COMMD10: variants seen among roughly 807,000 people sequenced by gnomAD.
COMMD10 encodes the protein COMM domain-containing protein 10.
A neutral mutation model predicts 28.9 loss-of-function variants in COMMD10; 33 were observed. The ratio of observed to expected loss-of-function variants is 1.14; its 90% CI spans 0.87 to 1.53. The LOEUF is 1.53. Among genes scored for constraint, COMMD10 ranks in the 40% most tolerant of loss-of-function variants. COMMD10 has a pLI of 0.00. For synonymous variants in COMMD10, 110 were observed against 81.7 expected, an observed-to-expected ratio of 1.35 and a Z score of -1.87; for missense variants, 310 against 233.4, an observed-to-expected ratio of 1.33 and a Z score of -2.14.
chr5:116,252,964 CT>C (rs1275698798), intron 5 of COMMD10, among the ~76,000 whole-genome samples: 2 of 95,426 alleles, frequency 2.1e-5, no homozygotes. Context: ...TTTGTATCCT[CT>C]TTTATTTCGT....
chr5:116,175,035 T>A (rs1753457423), intron 5 of COMMD10, among the ~76,000 whole-genome samples: 1 of 152,152 alleles, frequency 6.6e-6, no homozygotes, highest in South Asian at 2.1e-4. Flanking sequence ...ACAGAGCTCT[T>A]TGTGATCTTT....
At chr5:116,094,562 C>G (rs560414889) in intron 4 of COMMD10, among the ~76,000 whole-genome samples, 2 of 152,228 alleles carry the variant, frequency 1.3e-5, no homozygotes, top group East Asian at 3.9e-4. Flanking sequence ...CTCTCATATG[C>G]TTTTGGTGGC....
At chr5:116,101,368 CTT>C (rs1165238026) in intron 4 of COMMD10, among the ~76,000 whole-genome samples, 1 of 151,938 alleles carries the variant, frequency 6.6e-6, no homozygotes, top group Non-Finnish European at 1.5e-5. Context: ...TAAGAGTTCT[CTT>C]TTCTCCACAT....
chr5:116,241,556 ACT>A (rs985505591), intron 5 of COMMD10, among the ~76,000 whole-genome samples: 1 of 150,510 alleles, frequency 6.6e-6, no homozygotes. Flanking sequence ...ATATGGTAAA[ACT>A]CTCTATCCTC....
At chr5:116,208,908 A>G (rs1403449852) in intron 5 of COMMD10, among the ~76,000 whole-genome samples, 1 of 152,168 alleles carries the variant, frequency 6.6e-6, no homozygotes, top group African/African-American at 2.4e-5. Flanking sequence ...CTGTTTATCC[A>G]TTGTAATTAT....
chr5:116,175,097 G>A (rs114324806), intron 5 of COMMD10, among the ~76,000 whole-genome samples: 2,021 of 152,148 alleles, frequency 0.013, 47 homozygotes, highest in African/African-American at 0.045. Flanking sequence ...CACATTCAGA[G>A]TGGACTTTTC....
chr5:116,240,965 T>A (rs1478110305), intron 5 of COMMD10, among the ~76,000 whole-genome samples: 1 of 152,200 alleles, frequency 6.6e-6, no homozygotes, highest in Non-Finnish European at 1.5e-5. Flanking sequence ...GTAGATCCAT[T>A]TTTTGTTAAA....
At chr5:116,171,258 C>G (rs1753322798) in intron 5 of COMMD10, among the ~76,000 whole-genome samples, 1 of 152,134 alleles carries the variant, frequency 6.6e-6, no homozygotes, top group Non-Finnish European at 1.5e-5. Flanking sequence ...TAGAGAAATG[C>G]AAATCAACAT....
intron 5 of COMMD10, among the ~76,000 whole-genome samples, chr5:116,164,263 G>T (rs1397191120): frequency 6.6e-6 from 1 of 152,044 alleles, no homozygotes; most frequent in Non-Finnish European, 1.5e-5. Flanking sequence ...GGAGTTTGCA[G>T]TGAGCCGAGA....
chr5:116,095,524 A>G (rs958246474), intron 4 of COMMD10, among the ~76,000 whole-genome samples: 3 of 152,190 alleles, frequency 2.0e-5, no homozygotes, highest in African/African-American at 7.2e-5. Flanking sequence ...TATATTCTCT[A>G]GAAGTCCTCT....
At chr5:116,274,268 C>A (rs12152964) in intron 5 of COMMD10, among the ~76,000 whole-genome samples, 11,099 of 151,852 alleles carry the variant, frequency 0.073, 515 homozygotes, top group Admixed American at 0.13. Context: ...GTAAATAGAA[C>A]TAATAATTTG....
chr5:116,218,372 G>T, intron 5 of COMMD10: 1 of 568,292 alleles, frequency 1.8e-6, no homozygotes, highest in Non-Finnish European at 3.2e-6. Flanking sequence ...GTGAGTCCAG[G>T]GGTCGTTCTT....
chr5:116,242,095 G>A (rs1749830644), intron 5 of COMMD10, among the ~76,000 whole-genome samples: 1 of 152,108 alleles, frequency 6.6e-6, no homozygotes, highest in Non-Finnish European at 1.5e-5. Flanking sequence ...CCTTAACTCT[G>A]AAGCTAACAG....
intron 5 of COMMD10, among the ~76,000 whole-genome samples, chr5:116,168,743 C>T (rs138894419): frequency 0.015 from 2,234 of 152,112 alleles, 56 homozygotes; most frequent in African/African-American, 0.047. Flanking sequence ...GGGTAAATAA[C>T]GAAATGAAGG....
rs144005691 is a variant in COMMD10, at chr5:116,255,309, A to G, written c.511-36208A>G. On this transcript the variant is annotated intron_variant, in intron 5 of 6. Coordinates refer to ENST00000274458, the MANE Select transcript of COMMD10 (RefSeq NM_016144.4). ...TTTAGTCCATTTACATTTAAAGTTA[A>G]TAGTGTTATGTGTGAATTTGATCCT... Among the ~76,000 whole-genome samples the G allele has an allele frequency of 9.3e-4, 141 of 151,646 alleles. 5 individuals are homozygous for G. In the East Asian group the frequency reaches 0.025, roughly 27 times the overall value.
At chr5:116,262,389 C>A (rs78888713) in intron 5 of COMMD10, among the ~76,000 whole-genome samples, 7,242 of 151,676 alleles carry the variant, frequency 0.048, 299 homozygotes, top group African/African-American at 0.092. Flanking sequence ...ATTAATGGCT[C>A]AAAGTTAGAC....
chr5:116,288,230 TTTTG>T (rs2112715501), intron 5 of COMMD10, among the ~76,000 whole-genome samples: 1 of 151,912 alleles, frequency 6.6e-6, no homozygotes, highest in East Asian at 1.9e-4. Flanking sequence ...GTTTTTTTGT[TTTTG>T]TTTTTGTTTC....
At chr5:116,278,577 C>G (rs1561405969) in intron 5 of COMMD10, among the ~76,000 whole-genome samples, 1 of 151,730 alleles carries the variant, frequency 6.6e-6, no homozygotes, top group Non-Finnish European at 1.5e-5. Flanking sequence ...AGTCAAGTGA[C>G]CTAATAGCCA....
At position 116,260,453 on chromosome 5, in the gene COMMD10, G is replaced by C. The variant is rs559785410; in HGVS notation, c.511-31064G>C. On this transcript the variant is annotated intron_variant, in intron 5 of 6. Coordinates refer to ENST00000274458, the MANE Select transcript of COMMD10 (RefSeq NM_016144.4). Reference sequence around the variant, plus strand: ...CAAATGGATTGTTTTGACATATTCAGTGTGGACCCATTTAAAGTAGGCATG... The same window carrying C: ...CAAATGGATTGTTTTGACATATTCACTGTGGACCCATTTAAAGTAGGCATG... Among the ~76,000 whole-genome samples the C allele has an allele frequency of 2.0e-5, 3 of 151,916 alleles. No homozygotes were observed. The South Asian group carries it at 6.2e-4, about 32-fold the overall frequency.
Sources: allele counts gnomAD v4.1 joint callset (sites outside exome capture counted in the v4.1 genomes callset), GRCh38; gene constraint gnomAD v4.1.1; transcripts MANE v1.5; gene names NCBI Gene and HGNC (gene_info 2026-07-23, HGNC 2026-07-21).